PSPC1: variants seen among roughly 807,000 people sequenced by gnomAD.
PSPC1 encodes the protein paraspeckle component 1, also known as paraspeckle protein 1.
PSPC1 carries 14 observed loss-of-function variants against 51.6 expected under a neutral mutation model. The observed-to-expected ratio is 0.27, with a 90% confidence interval of 0.18 to 0.42. The LOEUF (loss-of-function observed/expected upper bound fraction) is 0.42. Ranked by LOEUF, PSPC1 falls within the 10% of genes least tolerant of loss-of-function variation. The pLI is 1.00. For missense variants in PSPC1, 406 were observed against 701.1 expected (o/e 0.58, Z 4.75); for synonymous variants, 193 against 231.9 (o/e 0.83, Z 1.53).
chr13:19,707,903 AC>A (rs765029900), intron 7 of PSPC1, among the ~76,000 whole-genome samples: 40 of 151,876 alleles, frequency 2.6e-4, no homozygotes, highest in Middle Eastern at 3.4e-3. Context: ...ATTAAATAGC[AC>A]CCCAGCATTT....
Position 19,725,810 on chromosome 13 carries a change from C to A in PSPC1, c.1158+4429G>T, listed in dbSNP as rs538668399. ...AAGCCCAAATCAAGGTTGCCACACC[C>A]AAATTCTGCAGGGTACTATTCACGT... On this transcript the variant is annotated intron_variant, in intron 6 of 8. Transcript: ENST00000338910. Among the ~76,000 whole-genome samples, 18 of 152,208 alleles carry A rather than the reference C, an allele frequency of 1.2e-4. No individual in the cohort carries two copies. The South Asian group carries it at 3.7e-3, about 32-fold the overall frequency.
chr13:19,697,308 T>C (rs1879377837), intron 6 of PSPC1, among the ~76,000 whole-genome samples: 1 of 152,186 alleles, frequency 6.6e-6, no homozygotes, highest in Non-Finnish European at 1.5e-5. Flanking sequence ...TTCTAATGCA[T>C]GCTCAAGTGT....
chr13:19,694,602 T>C (rs1049170301), intron 6 of PSPC1, among the ~76,000 whole-genome samples: 3 of 152,216 alleles, frequency 2.0e-5, no homozygotes, highest in African/African-American at 7.2e-5. Context: ...AAATCAAAGA[T>C]ACAAAAGTAG....
chr13:19,720,287 C>A (rs1181545182), intron 6 of PSPC1, among the ~76,000 whole-genome samples: 1 of 152,070 alleles, frequency 6.6e-6, no homozygotes, highest in East Asian at 1.9e-4. Flanking sequence ...CAAAGTAAAA[C>A]CATCATAACT....
At chr13:19,729,536 CAA>C (rs551133605) in intron 6 of PSPC1, among the ~76,000 whole-genome samples, 11 of 95,246 alleles carry the variant, frequency 1.2e-4, no homozygotes, top group South Asian at 7.2e-4. Flanking sequence ...GATTCCGTCT[CAA>C]AAAAAAAAAA....
intron 4 of PSPC1, among the ~76,000 whole-genome samples, chr13:19,743,631 A>T (rs1415517403): frequency 1.3e-5 from 2 of 152,202 alleles, no homozygotes; most frequent in East Asian, 3.8e-4. Context: ...AAACTTAAAA[A>T]TATGCATTTG....
At chr13:19,732,554 G>A (rs540483737) in intron 5 of PSPC1, among the ~76,000 whole-genome samples, 41 of 152,250 alleles carry the variant, frequency 2.7e-4, no homozygotes, top group African/African-American at 8.9e-4. Context: ...AGGTAATAAA[G>A]GTTTCACATA....
At chr13:19,696,179 A>G (rs942452636) in intron 6 of PSPC1, among the ~76,000 whole-genome samples, 3 of 152,196 alleles carry the variant, frequency 2.0e-5, no homozygotes, top group Non-Finnish European at 4.4e-5. Context: ...AAGATACCAA[A>G]TTCTATTTTA....
At chr13:19,738,730 AC>A (rs1458568785) in intron 5 of PSPC1, among the ~76,000 whole-genome samples, 1 of 151,820 alleles carries the variant, frequency 6.6e-6, no homozygotes, top group African/African-American at 2.4e-5. Context: ...ACACGGTGAA[AC>A]CCCGTCTCTA....
intron 1 of PSPC1, among the ~76,000 whole-genome samples, chr13:19,777,182 C>A (rs1383374102): frequency 1.4e-5 from 2 of 145,602 alleles, no homozygotes; most frequent in Non-Finnish European, 3.0e-5. Context: ...GTAATCCCAG[C>A]ACTTTGGGAG....
At chr13:19,750,396 C>G (rs1023106413) in intron 4 of PSPC1, among the ~76,000 whole-genome samples, 1 of 151,686 alleles carries the variant, frequency 6.6e-6, no homozygotes, top group African/African-American at 2.4e-5. Context: ...GGCGCCACTG[C>G]ACTCCAGCCT....
At chr13:19,687,415 C>T (rs904986458) in intron 6 of PSPC1, among the ~76,000 whole-genome samples, 1 of 152,122 alleles carries the variant, frequency 6.6e-6, no homozygotes, top group African/African-American at 2.4e-5. Flanking sequence ...AGCCCCCTAA[C>T]CTATATACAT....
Position 19,702,862 on chromosome 13 carries a change from A to T in PSPC1, c.*313T>A, listed in dbSNP as rs559468364. The T allele has an allele frequency of 2.6e-5, 5 of 192,678 alleles. No individual in the cohort carries two copies. In the South Asian group the frequency reaches 5.1e-4, roughly 20 times the overall value. 11.9% of individuals were successfully genotyped at this position (192,678 alleles called of 1,614,324 possible). Reference sequence around the variant, plus strand: ...AAGACCGTAAGAGAATACCACTAATAACAGTTTTAAATTATCCAAAATGAT... The same window carrying T: ...AAGACCGTAAGAGAATACCACTAATTACAGTTTTAAATTATCCAAAATGAT... On this transcript the variant is annotated 3_prime_UTR_variant, in exon 9 of 9. Coordinates refer to ENST00000338910, the MANE Select transcript of PSPC1 (RefSeq NM_001354909.2).
intron 6 of PSPC1, among the ~76,000 whole-genome samples, chr13:19,722,925 C>G (rs1882948770): frequency 6.6e-6 from 1 of 152,150 alleles, no homozygotes; most frequent in Non-Finnish European, 1.5e-5. Context: ...GCCTGGCCAA[C>G]ATGGTGAAAC....
intron 4 of PSPC1, 146 bp from the exon 5 acceptor site, chr13:19,741,795 C>G (rs1285877109): frequency 2.0e-6 from 1 of 502,848 alleles, no homozygotes; most frequent in Non-Finnish European, 3.4e-6. Flanking sequence ...AAATAAATAT[C>G]CTTTCTGAGC....
At chr13:19,752,334 CA>C (rs1886638755) in intron 3 of PSPC1, among the ~76,000 whole-genome samples, 1 of 152,116 alleles carries the variant, frequency 6.6e-6, no homozygotes, top group Admixed American at 6.6e-5. Context: ...GCAGTATATA[CA>C]TTTAATATAC....
chr13:19,702,205 A>G (rs895700459), downstream of PSPC1, among the ~76,000 whole-genome samples: 2 of 152,222 alleles, frequency 1.3e-5, no homozygotes, highest in Admixed American at 1.3e-4. Flanking sequence ...GACACGTTTT[A>G]CTGGAGAAAT....
At chr13:19,776,399 G>C (rs910277090) in intron 1 of PSPC1, among the ~76,000 whole-genome samples, 2 of 152,108 alleles carry the variant, frequency 1.3e-5, no homozygotes, top group African/African-American at 4.8e-5. Flanking sequence ...CCCGGAAGTG[G>C]AGGCTAGAGT....
chr13:19,680,199 G>C (rs1043600674), intron 6 of PSPC1, among the ~76,000 whole-genome samples: 13 of 152,108 alleles, frequency 8.5e-5, no homozygotes, highest in African/African-American at 3.1e-4. Flanking sequence ...ATTTTTAGTA[G>C]AGATAGGGTT....
Sources: allele counts gnomAD v4.1 joint callset (sites outside exome capture counted in the v4.1 genomes callset), GRCh38; gene constraint gnomAD v4.1.1; transcripts MANE v1.5; gene names NCBI Gene and HGNC (gene_info 2026-07-23, HGNC 2026-07-21).